PPFIA2: variants seen among roughly 807,000 people sequenced by gnomAD.
The protein encoded by PPFIA2 is liprin-alpha-2.
In PPFIA2, 46 loss-of-function variants were observed where a neutral mutation model predicts 175.5. That is an observed-to-expected ratio of 0.26 (90% confidence interval 0.21 to 0.34). The LOEUF is 0.34. PPFIA2 is among the 10% of genes least tolerant of loss of function. PPFIA2 has a pLI of 1.00. For synonymous variants in PPFIA2, 568 were observed against 511.4 expected (o/e 1.11, Z -1.49); for missense variants, 1,179 against 1,506.1 (o/e 0.78, Z 3.60).
chr12:81,566,264 C>G (rs1379672861), intron 4 of PPFIA2, among the ~76,000 whole-genome samples: 2 of 152,068 alleles, frequency 1.3e-5, no homozygotes, highest in African/African-American at 4.8e-5. Context: ...TGGCTCATGC[C>G]TGTAATCCCA....
At chr12:81,464,499 G>A (rs1302801029) in intron 4 of PPFIA2, among the ~76,000 whole-genome samples, 1 of 152,112 alleles carries the variant, frequency 6.6e-6, no homozygotes, top group Admixed American at 6.6e-5. Flanking sequence ...AGCTAAGGAT[G>A]AGCTTGAGTA....
chr12:81,561,737 G>A (rs560746140), intron 4 of PPFIA2, among the ~76,000 whole-genome samples: 2 of 152,160 alleles, frequency 1.3e-5, no homozygotes, highest in East Asian at 3.9e-4. Context: ...GGTTTCTTAT[G>A]TGAAAGCCAC....
At chr12:81,562,638 G>C (rs928043214) in intron 4 of PPFIA2, among the ~76,000 whole-genome samples, 1 of 151,398 alleles carries the variant, frequency 6.6e-6, no homozygotes, top group Non-Finnish European at 1.5e-5. Context: ...ACGAGGTCAG[G>C]AGATCGAGAC....
chr12:81,744,693 T>C (rs953166298), intron 3 of PPFIA2, among the ~76,000 whole-genome samples: 1 of 152,216 alleles, frequency 6.6e-6, no homozygotes, highest in Admixed American at 6.5e-5. Flanking sequence ...CCCAAAGTGC[T>C]GGGATTACAG....
intron 4 of PPFIA2, among the ~76,000 whole-genome samples, chr12:81,609,682 G>T (rs1199354205): frequency 6.6e-6 from 1 of 152,010 alleles, no homozygotes; most frequent in Non-Finnish European, 1.5e-5. Context: ...ATGTGAAATG[G>T]GTCCCTGGAA....
intron 24 of PPFIA2, among the ~76,000 whole-genome samples, chr12:81,292,119 C>A (rs1200936026): frequency 6.6e-6 from 1 of 151,946 alleles, no homozygotes; most frequent in Non-Finnish European, 1.5e-5. Context: ...TAAAATGTAT[C>A]ATATTTTTCA....
chr12:81,657,725 T>A (rs2068015465), intron 4 of PPFIA2, among the ~76,000 whole-genome samples: 1 of 152,182 alleles, frequency 6.6e-6, no homozygotes, highest in Non-Finnish European at 1.5e-5. Context: ...ATTGCTAAAG[T>A]CTGTAGAATT....
intron 6 of PPFIA2, among the ~76,000 whole-genome samples, chr12:81,441,532 A>G (rs973455646): frequency 6.6e-6 from 1 of 152,120 alleles, no homozygotes; most frequent in Admixed American, 6.5e-5. Flanking sequence ...CAAATATCCA[A>G]TTGTTAACAA....
intron 4 of PPFIA2, among the ~76,000 whole-genome samples, chr12:81,534,572 G>T (rs2065111916): frequency 6.6e-6 from 1 of 151,320 alleles, no homozygotes; most frequent in African/African-American, 2.4e-5. Flanking sequence ...AGACTATAAG[G>T]GACCCTAAGC....
chr12:81,715,445 T>C (rs1203998234), intron 3 of PPFIA2, among the ~76,000 whole-genome samples: 2 of 151,744 alleles, frequency 1.3e-5, no homozygotes, highest in South Asian at 2.1e-4. Flanking sequence ...CAAATAAAAT[T>C]ACATTTTCTC....
intron 3 of PPFIA2, among the ~76,000 whole-genome samples, chr12:81,719,745 T>G (rs1222565885): frequency 6.6e-6 from 1 of 151,516 alleles, no homozygotes; most frequent in Non-Finnish European, 1.5e-5. Context: ...AATATATACA[T>G]ATTCTAATAT....
At chr12:81,718,449 G>C (rs1168544046) in intron 3 of PPFIA2, among the ~76,000 whole-genome samples, 3 of 151,534 alleles carry the variant, frequency 2.0e-5, no homozygotes, top group Non-Finnish European at 3.0e-5. Flanking sequence ...CTAGATGAAA[G>C]GGGTCATGAC....
At chr12:81,754,446 T>G (rs993479588) in intron 2 of PPFIA2, among the ~76,000 whole-genome samples, 1 of 152,192 alleles carries the variant, frequency 6.6e-6, no homozygotes, top group African/African-American at 2.4e-5. Flanking sequence ...GACATCACAT[T>G]TATCCCACCT....
intron 4 of PPFIA2, among the ~76,000 whole-genome samples, chr12:81,506,606 T>C (rs1463307846): frequency 6.6e-6 from 1 of 152,228 alleles, no homozygotes; most frequent in Non-Finnish European, 1.5e-5. Context: ...TTTGTTTATC[T>C]TTTTCTTGAA....
intron 3 of PPFIA2, among the ~76,000 whole-genome samples, chr12:81,704,473 G>T (rs542680295): frequency 1.3e-5 from 2 of 152,144 alleles, no homozygotes; most frequent in African/African-American, 2.4e-5. Context: ...ATGACTTCAT[G>T]ATGAGAAAAA....
At chr12:81,608,414 C>T (rs866940453) in intron 4 of PPFIA2, among the ~76,000 whole-genome samples, 5 of 152,066 alleles carry the variant, frequency 3.3e-5, no homozygotes, top group Non-Finnish European at 7.4e-5. Flanking sequence ...GCTGTGAATC[C>T]ATCTGGTCCA....
Position 81,652,349 on chromosome 12 carries a change from G to A in PPFIA2, c.303+24442C>T, listed in dbSNP as rs557688836. 1.9e-4 allele frequency among the ~76,000 whole-genome samples: 29 copies of A among 151,168 alleles called. 1 individual carries two copies. In the South Asian group the frequency reaches 5.4e-3, roughly 28 times the overall value. On this transcript the variant is annotated intron_variant, in intron 4 of 32. Transcript: ENST00000549396. Reference sequence around the variant, plus strand: ...GTGGCCTTACAAAGTTATCATTGGCGATTTGCTTCAGAATTTCATTTCCAT... The same window carrying A: ...GTGGCCTTACAAAGTTATCATTGGCAATTTGCTTCAGAATTTCATTTCCAT...
At chr12:81,443,647 G>A (rs993162766) in intron 6 of PPFIA2, among the ~76,000 whole-genome samples, 3 of 151,996 alleles carry the variant, frequency 2.0e-5, no homozygotes, top group Non-Finnish European at 1.5e-5. Flanking sequence ...ATATGGGAAT[G>A]CTTATGGGAC....
chr12:81,536,176 C>A (rs557360686), intron 4 of PPFIA2, among the ~76,000 whole-genome samples: 17 of 151,684 alleles, frequency 1.1e-4, no homozygotes, highest in Non-Finnish European at 2.1e-4. Flanking sequence ...CACAACAAAG[C>A]TGACAACTAT....
Sources: allele counts gnomAD v4.1 joint callset (sites outside exome capture counted in the v4.1 genomes callset), GRCh38; gene constraint gnomAD v4.1.1; transcripts MANE v1.5; gene names NCBI Gene and HGNC (gene_info 2026-07-23, HGNC 2026-07-21).